The following TRHDE variants were observed in gnomAD, a reference collection of about 807,000 sequenced individuals.
TRHDE encodes thyrotropin-releasing hormone-degrading ectoenzyme.
TRHDE carries 72 observed loss-of-function variants against 125.7 expected under a neutral mutation model. The ratio of observed to expected loss-of-function variants is 0.57; its 90% CI spans 0.47 to 0.70. TRHDE has a LOEUF of 0.70. Among genes scored for constraint, TRHDE ranks in the 30% least tolerant of loss-of-function variants. The probability of loss-of-function intolerance (pLI) is 0.00; values close to 1 mark genes in which losing one functional copy is unlikely to be tolerated. For synonymous variants in TRHDE, 509 were observed against 509.1 expected (o/e 1.00, Z 0.00); for missense variants, 1,110 against 1,327.1 (o/e 0.84, Z 2.54).
intron 3 of TRHDE, among the ~76,000 whole-genome samples, chr12:72,439,182 A>G (rs935655196): frequency 7.2e-5 from 11 of 151,814 alleles, no homozygotes; most frequent in South Asian, 2.1e-4. Context: ...CCTTAGTACC[A>G]TACTGTTTTG....
intron 5 of TRHDE, among the ~76,000 whole-genome samples, chr12:72,477,804 G>A (rs2135908493): frequency 6.6e-6 from 1 of 152,252 alleles, no homozygotes; most frequent in East Asian, 1.9e-4. Flanking sequence ...GCCGATGCAG[G>A]TCAAGTCATA....
intron 2 of TRHDE, among the ~76,000 whole-genome samples, chr12:72,229,375 C>T (rs1041886845): frequency 9.2e-5 from 14 of 152,118 alleles, no homozygotes; most frequent in Admixed American, 2.0e-4. Context: ...TTCACTATCA[C>T]GAGAACAACA....
chr12:72,640,499 C>T (rs1210162493), intron 15 of TRHDE, among the ~76,000 whole-genome samples: 4 of 152,218 alleles, frequency 2.6e-5, no homozygotes, highest in Non-Finnish European at 5.9e-5. Context: ...TAGACCGGAG[C>T]TGTTCCTATT....
chr12:72,242,007 T>C lies in TRHDE; in HGVS notation n.280-135988T>C, dbSNP rs569298674. On this transcript the variant is annotated intron_variant and non_coding_transcript_variant, in intron 2 of 4. Transcript: ENST00000548156. ...GCCCATTTTTAGAGTTATTTTGTTA[T>C]TGAGTTATAACAGTTCTTTATTTAT... 1.4e-4 allele frequency among the ~76,000 whole-genome samples: 21 copies of C among 152,356 alleles called. No individual in the cohort carries two copies. The South Asian group carries it at 4.4e-3, about 32-fold the overall frequency.
intron 5 of TRHDE, among the ~76,000 whole-genome samples, chr12:72,480,797 A>T (rs1356289479): frequency 6.6e-6 from 1 of 152,138 alleles, no homozygotes; most frequent in East Asian, 1.9e-4. Flanking sequence ...TTGCTAAAAA[A>T]CTGTCAGACA....
intron 2 of TRHDE, among the ~76,000 whole-genome samples, chr12:72,166,426 C>T (rs1876750009): frequency 6.6e-6 from 1 of 152,052 alleles, no homozygotes; most frequent in Non-Finnish European, 1.5e-5. Flanking sequence ...TCACACATGC[C>T]ATACTCTCTG....
intron 2 of TRHDE, among the ~76,000 whole-genome samples, chr12:72,120,674 CT>C (rs36076979): frequency 0.046 from 5,424 of 118,750 alleles, 59 homozygotes; most frequent in South Asian, 0.09. Flanking sequence ...TACTCTTTAA[CT>C]TTTTTTTTTT....
chr12:72,555,323 C>T (rs188834100), intron 7 of TRHDE, among the ~76,000 whole-genome samples: 1 of 152,244 alleles, frequency 6.6e-6, no homozygotes, highest in Non-Finnish European at 1.5e-5. Flanking sequence ...TCTTCTATCT[C>T]TCCAATAGCT....
intron 2 of TRHDE, among the ~76,000 whole-genome samples, chr12:72,220,261 A>G (rs555626925): frequency 6.6e-5 from 10 of 152,240 alleles, no homozygotes; most frequent in African/African-American, 2.4e-4. Context: ...GTTGTTATCC[A>G]ATTATTATTC....
intron 2 of TRHDE, among the ~76,000 whole-genome samples, chr12:72,119,839 C>T (rs1004590356): frequency 6.6e-6 from 1 of 152,100 alleles, no homozygotes; most frequent in East Asian, 1.9e-4. Flanking sequence ...CTAAGTATAG[C>T]TACTTCTACT....
chr12:72,482,893 T>G (rs918108626), intron 5 of TRHDE, among the ~76,000 whole-genome samples: 1 of 151,960 alleles, frequency 6.6e-6, no homozygotes, highest in African/African-American at 2.4e-5. Flanking sequence ...GTTGCCCTAG[T>G]TTTAAAACAG....
At chr12:72,404,103 T>C (rs1873164538) in intron 3 of TRHDE, among the ~76,000 whole-genome samples, 3 of 152,144 alleles carry the variant, frequency 2.0e-5, no homozygotes. Flanking sequence ...TTAGTCCGTT[T>C]TCAAGCTGCT....
chr12:72,559,597 T>G (rs1870080115), intron 7 of TRHDE, among the ~76,000 whole-genome samples: 1 of 152,196 alleles, frequency 6.6e-6, no homozygotes, highest in South Asian at 2.1e-4. Flanking sequence ...CTATTATTTC[T>G]GAAATACCTA....
chr12:72,396,482 A>C (rs1872795306), intron 3 of TRHDE, among the ~76,000 whole-genome samples: 1 of 152,158 alleles, frequency 6.6e-6, no homozygotes, highest in Non-Finnish European at 1.5e-5. Flanking sequence ...GCGATGGCTC[A>C]CACCTGTAAT....
chr12:72,260,127 T>G (rs1878915523), intron 2 of TRHDE, among the ~76,000 whole-genome samples: 1 of 152,146 alleles, frequency 6.6e-6, no homozygotes, highest in African/African-American at 2.4e-5. Context: ...GTGTGCACAG[T>G]TTAGGAATTT....
intron 2 of TRHDE, among the ~76,000 whole-genome samples, chr12:72,195,254 G>A (rs1027482158): frequency 7.2e-5 from 11 of 152,228 alleles, no homozygotes; most frequent in African/African-American, 2.6e-4. Flanking sequence ...TAAGATTTGG[G>A]TGGGGACACA....
chr12:72,528,523 CT>C lies in TRHDE; in HGVS notation c.1723-13758del, dbSNP rs200783443. ...CAAACAAATAGTGTTTTCTGAGCTT[CT>C]TTTTTTTTTGAGACGGAGTCTCGCT... On this transcript the variant is annotated intron_variant, in intron 6 of 18. Coordinates refer to ENST00000261180, the MANE Select transcript of TRHDE (RefSeq NM_013381.3). Among the ~76,000 whole-genome samples, 42 of 149,838 alleles carry C rather than the reference CT, an allele frequency of 2.8e-4. No individual in the cohort carries two copies. In the East Asian group the frequency reaches 4.5e-3, roughly 16 times the overall value.
At position 72,169,065 on chromosome 12, in the gene TRHDE, G is replaced by A. The variant is rs188644532; in HGVS notation, n.279+63313G>A. Among the ~76,000 whole-genome samples, 566 of 152,120 alleles carry A rather than the reference G, an allele frequency of 3.7e-3. 3 individuals are homozygous for A. The highest frequency in any genetic ancestry group is 6.6e-3 in the Non-Finnish European group (449 of 68,000). Reference sequence around the variant, plus strand: ...ACCATGCCTTCCTCATCTATTTGGGGATTCCTTGAAATAGGAGAACAGATT... The same window carrying A: ...ACCATGCCTTCCTCATCTATTTGGGAATTCCTTGAAATAGGAGAACAGATT... On this transcript the variant is annotated intron_variant and non_coding_transcript_variant, in intron 2 of 4. Transcript: ENST00000548156.
intron 3 of TRHDE, among the ~76,000 whole-genome samples, chr12:72,421,030 G>A (rs1253612872): frequency 5.3e-5 from 8 of 151,428 alleles, no homozygotes; most frequent in African/African-American, 9.7e-5. Flanking sequence ...GTGCAGTGGC[G>A]CGATCTCAGC....
Sources: gnomAD v4.1 joint callset for allele counts (sites outside exome capture counted in the v4.1 genomes callset) on GRCh38, gnomAD v4.1.1 for gene constraint, MANE v1.5 for transcripts, NCBI Gene and HGNC (gene_info 2026-07-23, HGNC 2026-07-21) for gene names.